Variants in CFAP46 observed in about 807,000 individuals in gnomAD.
CFAP46 encodes cilia- and flagella-associated protein 46.
In CFAP46, 245 loss-of-function variants were observed where a neutral mutation model predicts 325.7. The ratio of observed to expected loss-of-function variants is 0.75; its 90% confidence interval spans 0.68 to 0.84. The LOEUF is 0.84. CFAP46 is among the 40% of genes least tolerant of loss of function. The pLI is 0.00. For missense variants in CFAP46, 3,346 were observed against 3,543.0 expected (o/e 0.94, Z 1.41); for synonymous variants, 1,523 against 1,495.9 (o/e 1.02, Z -0.42).
In CFAP46 at chr10:132,886,019, C is replaced by T. The variant is rs747528959; in HGVS notation, c.3305-60G>A. 72 of 1,532,386 alleles carry T rather than the reference C, an allele frequency of 4.7e-5. No homozygotes were observed. The African/African-American group carries it at 6.7e-4, about 14-fold the overall frequency. The allele number at this position is 1,532,386 out of a possible 1,614,324, so 94.9% of individuals were successfully genotyped here. On this transcript the variant is annotated intron_variant, in intron 25 of 57. Transcript: ENST00000368586. The surrounding 1 kb of genome is among the most constrained non-coding windows in gnomAD (Gnocchi z 5.8). The stretch of plus-strand genomic sequence containing the variant: ...CCTGATCCCTCATCAAAGGCGCCCT[C>T]GGACCTCCCAGACTAAGCTGCCCAT...
intron 44 of CFAP46, 92 bp from the exon 45 acceptor site, chr10:132,837,006 G>C: frequency 1.6e-5 from 16 of 998,458 alleles, no homozygotes; most frequent in Non-Finnish European, 2.3e-5. Context: ...CCTCGTGGCA[G>C]AGCCACGGCG....
In CFAP46 at chr10:132,814,979, G is replaced by A. The variant is rs556875912; in HGVS notation, c.7118-65C>T. On this transcript the variant is annotated intron_variant, in intron 50 of 57. Transcript: ENST00000368586. ...GCTCGAGGCAGCCCTCCGGCCACAC[G>A]GTCGGTTAATTTCATGTTATGCAAA... 113 of 1,422,352 alleles carry A rather than the reference G, an allele frequency of 7.9e-5. 1 individual carries two copies. The highest frequency in any genetic ancestry group is 9.3e-5 in the Non-Finnish European group (95 of 1,016,788). The allele number at this position is 1,422,352 out of a possible 1,614,324, so 88.1% of individuals were successfully genotyped here. A position where few individuals can be genotyped will look rare whatever the true frequency, so the allele number is the denominator to read the frequency against.
At chr10:132,925,100 G>A (rs1161406602) in intron 10 of CFAP46, among the ~76,000 whole-genome samples, 1 of 152,236 alleles carries the variant, frequency 6.6e-6, no homozygotes, top group African/African-American at 2.4e-5. Flanking sequence ...AGGCTTGGCG[G>A]TGCCCACACA....
chr10:132,810,372 G>T, intron 57 of CFAP46, 37 bp downstream of exon 57: 1 of 1,587,126 alleles, frequency 6.3e-7, no homozygotes, highest in Non-Finnish European at 8.6e-7. Context: ...TGCAGAGGGT[G>T]CTGAAGGCCG....
At chr10:132,912,608 T>TTTC in intron 19 of CFAP46, 47 bp downstream of exon 19, 5 of 370,696 alleles carry the variant, frequency 1.3e-5, no homozygotes, top group South Asian at 4.1e-5. Context: ...CTCTCTCCTC[T>TTTC]CTCTCTCTCT....
chr10:132,897,725 G>A (rs1378287179), intron 24 of CFAP46, among the ~76,000 whole-genome samples: 2 of 152,216 alleles, frequency 1.3e-5, no homozygotes, highest in African/African-American at 2.4e-5. Flanking sequence ...GGCTCCAGAG[G>A]CAGCTCTGCA....
chr10:132,918,539 G>A lies in CFAP46; in HGVS notation c.1859-19C>T. 6.6e-7 allele frequency: 1 copy of A among 1,504,998 alleles called. No homozygotes were observed. Among genetic ancestry groups the A allele is most frequent in the Non-Finnish European group, 8.9e-7 (1 of 1,118,462 alleles). The allele number at this position is 1,504,998 out of a possible 1,614,324, so 93.2% of individuals were successfully genotyped here. ...TTCTTCCCTGAGAGAAATGGCAGCAGGTAAGGATCATGTTTTTTTCTAGCA... is the reference window on the plus strand; with the variant it reads ...TTCTTCCCTGAGAGAAATGGCAGCAAGTAAGGATCATGTTTTTTTCTAGCA... On this transcript the variant is annotated intron_variant, in intron 15 of 57. Transcript: ENST00000368586.
At chr10:132,864,699 C>CGCCTGAGACCTGCACACACCTGTCCCCAG (rs1172195166) in intron 35 of CFAP46, among the ~76,000 whole-genome samples, 1 of 52,078 alleles carries the variant, frequency 1.9e-5, no homozygotes, top group Non-Finnish European at 3.3e-5. Context: ...ACCTGTCCCC[C>CGCCTGAGACCTGCACACACCTGTCCCCAG]TGCCTGAGAC....
chr10:132,811,068 C>T, intron 55 of CFAP46, 37 bp from the exon 56 acceptor site: 1 of 1,537,554 alleles, frequency 6.5e-7, no homozygotes, highest in South Asian at 1.2e-5. Flanking sequence ...CAGCCTTGGC[C>T]TGACATGGGG....
In CFAP46 at chr10:132,937,486, G is replaced by A. The variant is rs933787237; in HGVS notation, c.660+66C>T. On this transcript the variant is annotated intron_variant, in intron 6 of 57. Coordinates refer to ENST00000368586, the MANE Select transcript of CFAP46 (RefSeq NM_001200049.3). ...AGCAAACTTATGTAATTTCTACGCA[G>A]TTTTCTGAACAATGACTTTTAAGAA... 9 of 1,595,230 alleles carry A rather than the reference G, an allele frequency of 5.6e-6. No individual in the cohort carries two copies. In the African/African-American group the frequency reaches 1.2e-4, roughly 21 times the overall value.
Position 132,889,801 on chromosome 10 carries a change from C to G in CFAP46, c.3304+2532G>C, listed in dbSNP as rs1849229672. Among the ~76,000 whole-genome samples the G allele has an allele frequency of 6.6e-6, 1 of 152,204 alleles. No individual in the cohort carries two copies. The highest frequency in any genetic ancestry group is 6.5e-5 in the Admixed American group (1 of 15,290). Reference sequence around the variant, plus strand: ...TGGACTGTGCATGAGGAGGAATGTGCCTGTGCTGAGCTCTGGGCCTCGTGT... The same window carrying G: ...TGGACTGTGCATGAGGAGGAATGTGGCTGTGCTGAGCTCTGGGCCTCGTGT... On this transcript the variant is annotated intron_variant, in intron 25 of 57. Coordinates refer to ENST00000368586, the MANE Select transcript of CFAP46 (RefSeq NM_001200049.3). This position sits in a 1 kb window ranked among gnomAD's most constrained non-coding sequence, Gnocchi z 6.0.
At chr10:132,819,048 T>C (rs1376247029) in intron 50 of CFAP46, among the ~76,000 whole-genome samples, 1 of 152,150 alleles carries the variant, frequency 6.6e-6, no homozygotes, top group East Asian at 1.9e-4. Context: ...AGTATTTCTA[T>C]ACATTACAAT....
Position 132,919,855 on chromosome 10 carries a change from G to A in CFAP46, c.1730+204C>T, listed in dbSNP as rs571879225. 3.1e-4 allele frequency among the ~76,000 whole-genome samples: 47 copies of A among 152,250 alleles called. No individual in the cohort carries two copies. The highest frequency in any genetic ancestry group is 5.9e-4 in the Admixed American group (9 of 15,302). On this transcript the variant is annotated intron_variant, in intron 14 of 57. Transcript: ENST00000368586. This position sits in a 1 kb window ranked among gnomAD's most constrained non-coding sequence, Gnocchi z 9.7. Reference sequence around the variant, plus strand: ...AGGGCAGCCGCACACCTCATAGGCCGTGGCTGTCATCACAGGCTGGGGGGT... The same window carrying A: ...AGGGCAGCCGCACACCTCATAGGCCATGGCTGTCATCACAGGCTGGGGGGT...
rs533972812 is a variant in CFAP46 at position 132,834,058 on chromosome 10, G to A, written c.6932C>T (p.Thr2311Met). The change falls in exon 49 of 58, where the codon ACG becomes ATG. Residue 2311 changes from threonine to methionine, a missense_variant. By Grantham distance (81) the Thr-to-Met change is moderately conservative (BLOSUM62 -1). Transcript: ENST00000368586. ...KSKGKDKERK[T>M]STGQHSTVQP... ...CCACTCACTGTGTTGTCCTGTGGAC[G>A]TTTTCCTCTCCTTGTCTTTGCCCTT... is the stretch of plus-strand genomic sequence containing the variant. 2.8e-5 allele frequency: 46 copies of A among 1,614,074 alleles called. No homozygotes were observed. Among genetic ancestry groups the A allele is most frequent in the Non-Finnish European group, 3.2e-5 (38 of 1,179,932 alleles).
At chr10:132,916,112 G>A (rs1034124992) in intron 17 of CFAP46, among the ~76,000 whole-genome samples, 4 of 152,128 alleles carry the variant, frequency 2.6e-5, no homozygotes, top group South Asian at 2.1e-4. Flanking sequence ...GGCAGTCCTC[G>A]ATAGCTTTTC....
At chr10:132,921,573 G>C (rs1170022657) in intron 13 of CFAP46, among the ~76,000 whole-genome samples, 1 of 152,192 alleles carries the variant, frequency 6.6e-6, no homozygotes, top group Non-Finnish European at 1.5e-5. Flanking sequence ...CCATTCCCCA[G>C]AGCAGGGTGT....
chr10:132,916,972 C>T (rs747806822), intron 16 of CFAP46, among the ~76,000 whole-genome samples: 8 of 152,226 alleles, frequency 5.3e-5, no homozygotes, highest in South Asian at 2.1e-4. Context: ...AGTGGCTTCC[C>T]GGTATCAGCA....
In CFAP46 at chr10:132,880,226, G is replaced by A. The variant is rs551544828; in HGVS notation, c.3800-595C>T. On this transcript the variant is annotated intron_variant, in intron 28 of 57. Coordinates refer to ENST00000368586, the MANE Select transcript of CFAP46 (RefSeq NM_001200049.3). ...CATGGGACTCTCCGTGCGCACCTGC[G>A]CTCCCCACAGAGTTTCTGCCCCGGG... Among the ~76,000 whole-genome samples the A allele has an allele frequency of 9.2e-5, 14 of 152,320 alleles. No individual in the cohort carries two copies. In the East Asian group the frequency reaches 1.5e-3, roughly 17 times the overall value.
chr10:132,849,580 C>G (rs190263241), intron 41 of CFAP46, among the ~76,000 whole-genome samples: 21 of 152,316 alleles, frequency 1.4e-4, no homozygotes, highest in Admixed American at 1.3e-3. Flanking sequence ...GGGGCCATCA[C>G]CAGGGTCCTG....
Sources: allele counts gnomAD v4.1 joint callset (sites outside exome capture counted in the v4.1 genomes callset), GRCh38; gene constraint gnomAD v4.1.1; non-coding constraint Gnocchi (gnomAD v3.1); transcripts MANE v1.5; gene names NCBI Gene and HGNC (gene_info 2026-07-23, HGNC 2026-07-21).